The following RIMS1 variants were observed in gnomAD, a reference collection of about 807,000 sequenced individuals.
RIMS1 encodes regulating synaptic membrane exocytosis protein 1.
In RIMS1, 83 loss-of-function variants were observed where a neutral mutation model predicts 214.1. The observed-to-expected ratio is 0.39, with a 90% confidence interval of 0.32 to 0.47. The LOEUF (loss-of-function observed/expected upper bound fraction) is 0.47, where lower values mean the gene tolerates loss of function less well. RIMS1 is among the 20% of genes least tolerant of loss of function. RIMS1 has a pLI of 0.99. For synonymous variants in RIMS1, 793 were observed against 786.8 expected, an observed-to-expected ratio of 1.01 and a Z score of -0.13; for missense variants, 2,050 against 2,161.8, an observed-to-expected ratio of 0.95 and a Z score of 1.03.
rs538157327 is a variant in RIMS1, at chr6:72,122,211, T to TC, written c.471+22225_471+22226insC. On this transcript the variant is annotated intron_variant, in intron 4 of 33. Coordinates refer to ENST00000521978, the MANE Select transcript of RIMS1 (RefSeq NM_014989.7). ...GATTCCCTCTTTTCCTTTTTTCTTT[T>TC]TTTTTTTTTTTGAGATGGAGTCTCA... is the stretch of plus-strand genomic sequence containing the variant. Among the ~76,000 whole-genome samples the TC allele has an allele frequency of 9.4e-5, 14 of 148,802 alleles. 1 individual carries two copies. In the South Asian group the frequency reaches 3.0e-3, roughly 32 times the overall value.
chr6:72,069,284 T>G (rs1302307772), intron 2 of RIMS1, among the ~76,000 whole-genome samples: 1 of 152,168 alleles, frequency 6.6e-6, no homozygotes, highest in Non-Finnish European at 1.5e-5. Context: ...AGTATTAGAA[T>G]AGCAGCAGCT....
At chr6:71,922,738 A>C (rs572541111) in intron 1 of RIMS1, among the ~76,000 whole-genome samples, 16 of 152,172 alleles carry the variant, frequency 1.1e-4, no homozygotes, top group Non-Finnish European at 2.1e-4. Context: ...GTTTATTCCT[A>C]TGAGAGGAGT....
Position 72,093,463 on chromosome 6 carries a change from T to G in RIMS1, c.246-3486T>G, listed in dbSNP as rs528820435. Among the ~76,000 whole-genome samples the G allele has an allele frequency of 1.9e-3, 295 of 152,042 alleles. 1 individual carries two copies. Among genetic ancestry groups the G allele is most frequent in the South Asian group, 0.015 (70 of 4,822 alleles). ...TCTATACCAGTTTTTGTTTTTTTGC[T>G]TTTCTGTTTGTTTTTCTTAATAATT... On this transcript the variant is annotated intron_variant, in intron 2 of 33. Coordinates refer to ENST00000521978, the MANE Select transcript of RIMS1 (RefSeq NM_014989.7).
At chr6:72,001,392 A>G (rs560059114) in intron 2 of RIMS1, among the ~76,000 whole-genome samples, 2 of 152,290 alleles carry the variant, frequency 1.3e-5, no homozygotes, top group African/African-American at 4.8e-5. Context: ...TCTCATCCTC[A>G]TAATTGGCAT....
intron 6 of RIMS1, chr6:72,213,241 T>C: frequency 2.0e-6 from 3 of 1,527,628 alleles, no homozygotes; most frequent in Non-Finnish European, 2.6e-6. Context: ...TAGATAATGG[T>C]AATCCCACTT....
At chr6:72,041,222 T>C (rs1053219764) in intron 2 of RIMS1, among the ~76,000 whole-genome samples, 62 of 151,948 alleles carry the variant, frequency 4.1e-4, no homozygotes, top group African/African-American at 1.4e-3. Context: ...ATCACACTTA[T>C]TGAGAAGACA....
At chr6:72,065,900 G>C (rs968420242) in intron 2 of RIMS1, among the ~76,000 whole-genome samples, 1 of 146,110 alleles carries the variant, frequency 6.8e-6, no homozygotes, top group Non-Finnish European at 1.5e-5. Flanking sequence ...ATAATGTTGA[G>C]AGAGAAACAA....
At chr6:72,365,603 C>A (rs1476597074) in intron 29 of RIMS1, among the ~76,000 whole-genome samples, 1 of 152,144 alleles carries the variant, frequency 6.6e-6, no homozygotes, top group African/African-American at 2.4e-5. Context: ...TAAAAGAGGG[C>A]CACCATTAGT....
At chr6:72,342,835 T>C (rs1293731808) in intron 29 of RIMS1, among the ~76,000 whole-genome samples, 1 of 151,716 alleles carries the variant, frequency 6.6e-6, no homozygotes, top group Non-Finnish European at 1.5e-5. Context: ...AGAAGGTTGA[T>C]TTTTTTCCTT....
chr6:72,329,389 G>C (rs2096584887), intron 28 of RIMS1, among the ~76,000 whole-genome samples: 2 of 151,746 alleles, frequency 1.3e-5, no homozygotes, highest in Non-Finnish European at 2.9e-5. Flanking sequence ...TTTTGTACAT[G>C]TACATATAGT....
chr6:71,890,596 A>AAAAAAAAAC (rs1554194854), intron 1 of RIMS1, among the ~76,000 whole-genome samples: 2,139 of 112,672 alleles, frequency 0.019, 394 homozygotes, highest in Non-Finnish European at 0.027. Context: ...AAAAAAAAAA[A>AAAAAAAAAC]ACTTCATAGA....
chr6:72,249,356 A>G (rs1192050447), intron 12 of RIMS1, among the ~76,000 whole-genome samples: 1 of 152,134 alleles, frequency 6.6e-6, no homozygotes, highest in East Asian at 1.9e-4. Context: ...CTTCCCCATT[A>G]TTCTTTGGTC....
rs2154249615 is a variant in RIMS1, at chr6:72,290,707, G to A, written c.3583G>A (p.Gly1195Arg). Residue 1195 changes from glycine to arginine, a missense_variant, in exon 25 of 34, where the codon GGA becomes AGA. Coordinates refer to ENST00000521978, the MANE Select transcript of RIMS1 (RefSeq NM_014989.7). Reference protein sequence around the residue: ...RVLPTCLSRRGHAAPRATDQP... With the variant: ...RVLPTCLSRRRHAAPRATDQP... Reference sequence around the variant, plus strand: ...TCTCCCAACATGTCTTTCTAGAAGGGGACACGCAGCCCCAAGAGCAACTGA... The same window carrying A: ...TCTCCCAACATGTCTTTCTAGAAGGAGACACGCAGCCCCAAGAGCAACTGA... 1 of 1,613,586 alleles carries A rather than the reference G, an allele frequency of 6.2e-7. No individual in the cohort carries two copies. The highest frequency in any genetic ancestry group is 8.5e-7 in the Non-Finnish European group (1 of 1,179,696).
chr6:72,343,554 T>C (rs2097168910), intron 29 of RIMS1, among the ~76,000 whole-genome samples: 1 of 145,526 alleles, frequency 6.9e-6, no homozygotes, highest in African/African-American at 2.5e-5. Context: ...CAAATGATCT[T>C]CCTGCCTCAG....
At chr6:72,256,027 A>G (rs1393634312) in intron 16 of RIMS1, among the ~76,000 whole-genome samples, 16 of 11,658 alleles carry the variant, frequency 1.4e-3, no homozygotes, top group African/African-American at 5.5e-3. Flanking sequence ...TCCATCTGAA[A>G]AAAAAAAAAA....
chr6:72,258,209 G>A lies in RIMS1; in HGVS notation c.2855G>A (p.Arg952His), dbSNP rs746449822. 2.5e-6 allele frequency: 4 copies of A among 1,613,382 alleles called. No individual in the cohort carries two copies. Among genetic ancestry groups the A allele is most frequent in the African/African-American group, 1.3e-5 (1 of 75,020 alleles). Residue 952 changes from arginine (R) to histidine (H), a missense_variant, in exon 17 of 34, where the codon CGT (arginine) becomes CAT (histidine). Physicochemically the swap from Arg to His is conservative, Grantham distance 29 (BLOSUM62 0). Coordinates refer to ENST00000521978, the MANE Select transcript of RIMS1 (RefSeq NM_014989.7). ...CAAAGAACAACTCATCACCGCTCAC[G>A]TTCAGTATCTCCTCATCGCGGCAAT... is the stretch of plus-strand genomic sequence containing the variant. ...EQQRTTHHRS[R>H]SVSPHRGNDQ...
At chr6:71,912,306 A>G (rs944271383) in intron 1 of RIMS1, among the ~76,000 whole-genome samples, 3 of 152,134 alleles carry the variant, frequency 2.0e-5, no homozygotes, top group Non-Finnish European at 4.4e-5. Flanking sequence ...AAACATTTGA[A>G]TACAAATCTC....
rs752455133 is a variant in RIMS1, at chr6:72,333,629, G to A, written c.4160G>A (p.Arg1387Gln). The change falls in exon 29 of 34, where the codon CGG becomes CAG. Residue 1387 changes from arginine to glutamine, a missense_variant. This residue lies in a region of RIMS1 where 889 missense variants were observed against 885.5 expected (regional missense o/e 1.00). Coordinates refer to ENST00000521978, the MANE Select transcript of RIMS1 (RefSeq NM_014989.7). The stretch of plus-strand genomic sequence containing the variant: ...TTTACCCCCAAAATGCAAGGCAGAC[G>A]GATGGGGACTTCAGGAAGATCCATC... ...SSFTPKMQGR[R>Q]MGTSGRSIMK... The A allele has an allele frequency of 8.2e-6, 13 of 1,594,626 alleles. No individual in the cohort carries two copies. Among genetic ancestry groups the A allele is most frequent in the Admixed American group, 3.5e-5 (2 of 57,430 alleles).
chr6:72,386,734 T>A (rs1177307903), intron 29 of RIMS1, among the ~76,000 whole-genome samples: 1 of 142,424 alleles, frequency 7.0e-6, no homozygotes, highest in Non-Finnish European at 1.5e-5. Context: ...TGTCTTTCTT[T>A]TTTTTTTTTT....
Sources: allele counts gnomAD v4.1 joint callset (sites outside exome capture counted in the v4.1 genomes callset), GRCh38; gene constraint gnomAD v4.1.1; regional missense constraint gnomAD v4.1.1; transcripts MANE v1.5; gene names NCBI Gene and HGNC (gene_info 2026-07-23, HGNC 2026-07-21).